SLC39A8: variants seen among roughly 807,000 people sequenced by gnomAD.
SLC39A8 encodes the protein metal cation symporter ZIP8.
In SLC39A8, 15 loss-of-function variants were observed where a neutral mutation model predicts 40.4. The ratio of observed to expected loss-of-function variants is 0.37; its 90% CI spans 0.25 to 0.57. The LOEUF is 0.57. Ranked by LOEUF, SLC39A8 falls within the 20% of genes least tolerant of loss-of-function variation. The pLI, the probability that SLC39A8 is intolerant of heterozygous loss-of-function variation, is 0.75. For missense variants in SLC39A8, 472 were observed against 558.8 expected (o/e 0.84, Z 1.57); for synonymous variants, 223 against 221.6 (o/e 1.01, Z -0.06).
intron 6 of SLC39A8, among the ~76,000 whole-genome samples, chr4:102,275,844 C>T (rs1732593331): frequency 1.3e-5 from 2 of 152,250 alleles, no homozygotes; most frequent in Admixed American, 6.5e-5. Flanking sequence ...CTCAAAACCA[C>T]ACAACTACAT....
chr4:102,307,450 G>C lies in SLC39A8; in HGVS notation c.538C>G (p.Gln180Glu). 6.2e-7 allele frequency: 1 copy of C among 1,613,114 alleles called. No homozygotes were observed. Among genetic ancestry groups the C allele is most frequent in the Non-Finnish European group, 8.5e-7 (1 of 1,179,528 alleles). Reference protein sequence around the residue: ...IGTLFSNAIFQLIPEAFGFDP... With the variant: ...IGTLFSNAIFELIPEAFGFDP... ...AACATCCTTACCTCTGGAATAAGTT[G>C]GAAAATTGCATTTGAAAAAAGAGTC... Residue 180 changes from glutamine (Q) to glutamate (E), a missense_variant, in exon 4 of 9, where the codon CAA becomes GAA. Gln to Glu is a conservative substitution (Grantham distance 29). Coordinates refer to ENST00000356736, the MANE Select transcript of SLC39A8 (RefSeq NM_001135146.2).
intron 6 of SLC39A8, among the ~76,000 whole-genome samples, chr4:102,285,445 A>G (rs1733128494): frequency 6.6e-6 from 1 of 152,152 alleles, no homozygotes; most frequent in Non-Finnish European, 1.5e-5. Flanking sequence ...TCTAACCCTT[A>G]ATACTTTTAT....
At chr4:102,308,620 T>C (rs1193707162) in intron 3 of SLC39A8, among the ~76,000 whole-genome samples, 2 of 152,110 alleles carry the variant, frequency 1.3e-5, no homozygotes, top group Non-Finnish European at 2.9e-5. Context: ...AACATGTGAC[T>C]TTGCCTCTGG....
At chr4:102,303,722 G>A (rs893749129) in intron 6 of SLC39A8, among the ~76,000 whole-genome samples, 7 of 151,542 alleles carry the variant, frequency 4.6e-5, no homozygotes, top group Non-Finnish European at 8.9e-5. Flanking sequence ...TCTATCACTT[G>A]AAACCAATAT....
chr4:102,269,448 C>T (rs1447269099), intron 6 of SLC39A8, among the ~76,000 whole-genome samples: 2 of 152,150 alleles, frequency 1.3e-5, no homozygotes, highest in African/African-American at 2.4e-5. Flanking sequence ...TAATAGGATT[C>T]ATCATCATTG....
intron 2 of SLC39A8, among the ~76,000 whole-genome samples, chr4:102,323,737 T>C (rs1219273777): frequency 6.6e-6 from 1 of 152,318 alleles, no homozygotes; most frequent in African/African-American, 2.4e-5. Flanking sequence ...GATTAAACAA[T>C]GTAAAAGTGT....
rs199532146 is a variant in SLC39A8, at chr4:102,315,694, T to C, written c.356A>G (p.His119Arg). ...TTCTGAATGACTTGGTCTTGTTTTG[T>C]GCTTGGGCCGATCCTCACATGGGTG... ...NFHPCEDRPK[H>R]KTRPSHSEVW... Residue 119 changes from histidine (H) to arginine (R), a missense_variant, in exon 3 of 9, where the codon CAC (histidine) becomes CGC (arginine). This residue lies in a region of SLC39A8 where 175 missense variants were observed against 160.5 expected (regional missense o/e 1.09). Transcript: ENST00000356736. The C allele has an allele frequency of 8.1e-6, 13 of 1,612,600 alleles. No homozygotes were observed. The highest frequency in any genetic ancestry group is 1.1e-5 in the Non-Finnish European group (13 of 1,179,268).
Position 102,267,670 on chromosome 4 carries a change from G to A in SLC39A8, c.1053C>T (p.Asp351=), listed in dbSNP as rs759221210. 4 of 1,579,744 alleles carry A rather than the reference G, an allele frequency of 2.5e-6. No individual in the cohort carries two copies. The highest frequency in any genetic ancestry group is 3.4e-6 in the Non-Finnish European group (4 of 1,168,752). The change falls in exon 8 of 9, where the codon GAC becomes GAT. Residue 351 remains aspartate, a synonymous_variant. Coordinates refer to ENST00000356736, the MANE Select transcript of SLC39A8 (RefSeq NM_001135146.2). ...TCCCTGCATTGAGTAGGATCACAAA[G>A]TCTCCTAGAAGAAGAAGAAGAAAAT... ...LCEEFPHELG[D]FVILLNAGMS...
chr4:102,327,915 A>G (rs1247403360), intron 2 of SLC39A8, among the ~76,000 whole-genome samples: 3 of 152,218 alleles, frequency 2.0e-5, no homozygotes, highest in East Asian at 1.9e-4. Context: ...TTCTCATTCT[A>G]TGAAACTTTC....
At chr4:102,334,172 C>T (rs1735577980) in intron 2 of SLC39A8, among the ~76,000 whole-genome samples, 1 of 152,114 alleles carries the variant, frequency 6.6e-6, no homozygotes. Context: ...CAGTTATACA[C>T]AGTAAATGAA....
chr4:102,299,463 C>T (rs1337810684), intron 6 of SLC39A8, among the ~76,000 whole-genome samples: 2 of 151,948 alleles, frequency 1.3e-5, no homozygotes, highest in African/African-American at 4.8e-5. Context: ...CTCCACTGTG[C>T]CCTATGTGCC....
chr4:102,342,019 G>T (rs1735965447), intron 2 of SLC39A8, among the ~76,000 whole-genome samples: 1 of 152,182 alleles, frequency 6.6e-6, no homozygotes. Flanking sequence ...AACTGAAGTT[G>T]TATTCCTCAG....
rs1419949939 is a variant in SLC39A8, at chr4:102,262,331, G to GA, written c.*712dup. On this transcript the variant is annotated 3_prime_UTR_variant, in exon 9 of 9. Coordinates refer to ENST00000356736, the MANE Select transcript of SLC39A8 (RefSeq NM_001135146.2). ...AGGGGTGCAACCACAACATAAGTCA[G>GA]AAAAAAAGCTATCCAGCTTTTCGTG... 12 of 985,444 alleles carry GA rather than the reference G, an allele frequency of 1.2e-5. No individual in the cohort carries two copies. The East Asian group carries it at 1.1e-3, about 92-fold the overall frequency. The allele number at this position is 985,444 out of a possible 1,614,324, so 61.0% of individuals were successfully genotyped here.
intron 2 of SLC39A8, among the ~76,000 whole-genome samples, chr4:102,325,370 A>G (rs1212643044): frequency 1.3e-5 from 2 of 152,056 alleles, no homozygotes; most frequent in African/African-American, 4.8e-5. Flanking sequence ...TGATGCCACC[A>G]ACACACATGC....
intron 6 of SLC39A8, among the ~76,000 whole-genome samples, chr4:102,277,471 T>G (rs1481647064): frequency 2.0e-5 from 3 of 152,136 alleles, no homozygotes; most frequent in African/African-American, 4.8e-5. Flanking sequence ...TACAAACCAC[T>G]GCTCAACAAA....
intron 6 of SLC39A8, among the ~76,000 whole-genome samples, chr4:102,283,247 G>A (rs1314867487): frequency 6.6e-6 from 1 of 152,206 alleles, no homozygotes; most frequent in African/African-American, 2.4e-5. Flanking sequence ...GACACTGGAA[G>A]AAGGGACTTG....
At chr4:102,318,413 T>G (rs1468868866) in intron 2 of SLC39A8, among the ~76,000 whole-genome samples, 1 of 152,188 alleles carries the variant, frequency 6.6e-6, no homozygotes, top group Non-Finnish European at 1.5e-5. Context: ...ACTGAATTAA[T>G]GGCAAGCCTG....
chr4:102,289,879 C>T (rs183547020), intron 6 of SLC39A8, among the ~76,000 whole-genome samples: 2 of 152,228 alleles, frequency 1.3e-5, no homozygotes, highest in East Asian at 1.9e-4. Context: ...CTGTGAACAA[C>T]GTTGAAATGA....
chr4:102,276,552 C>G (rs1732627539), intron 6 of SLC39A8, among the ~76,000 whole-genome samples: 1 of 152,120 alleles, frequency 6.6e-6, no homozygotes, highest in Non-Finnish European at 1.5e-5. Context: ...CGAATTCTAC[C>G]AGATGTACAA....
Sources: allele counts gnomAD v4.1 joint callset (sites outside exome capture counted in the v4.1 genomes callset), GRCh38; gene constraint gnomAD v4.1.1; regional missense constraint gnomAD v4.1.1; transcripts MANE v1.5; gene names NCBI Gene and HGNC (gene_info 2026-07-23, HGNC 2026-07-21).